FOXP1: variants seen among roughly 807,000 people sequenced by gnomAD.
FOXP1 encodes forkhead box P1, also known as forkhead box protein P1.
Under a neutral mutation model 98.2 loss-of-function variants are expected in FOXP1, and 15 were observed. The observed-to-expected ratio is 0.15, with a 90% CI of 0.10 to 0.24. FOXP1 has a LOEUF of 0.24. FOXP1 is among the 10% of genes least tolerant of loss of function. FOXP1 has a pLI of 1.00. For synonymous variants in FOXP1, 371 were observed against 314.5 expected (o/e 1.18, Z -1.90); for missense variants, 633 against 848.5 (o/e 0.75, Z 3.15).
At chr3:71,394,809 T>C (rs143244350) in intron 3 of FOXP1, among the ~76,000 whole-genome samples, 64 of 152,052 alleles carry the variant, frequency 4.2e-4, no homozygotes, top group East Asian at 1.2e-3. Context: ...AACGAAAGAA[T>C]TGAACTGGAG....
intron 5 of FOXP1, among the ~76,000 whole-genome samples, chr3:71,225,473 C>T (rs1576464954): frequency 2.0e-5 from 3 of 152,102 alleles, no homozygotes; most frequent in African/African-American, 4.8e-5. Flanking sequence ...AACATTTTAA[C>T]GTGAAGCTCT....
intron 12 of FOXP1, among the ~76,000 whole-genome samples, chr3:71,015,073 C>A (rs2044245014): frequency 6.6e-6 from 1 of 151,604 alleles, no homozygotes; most frequent in African/African-American, 2.4e-5. Flanking sequence ...ACCAACATGG[C>A]ACATGTATAC....
chr3:71,419,119 C>T (rs2108316355), intron 3 of FOXP1, among the ~76,000 whole-genome samples: 1 of 150,550 alleles, frequency 6.6e-6, no homozygotes, highest in South Asian at 2.1e-4. Flanking sequence ...ACCTGTAATC[C>T]CAGCTAGCAG....
At chr3:71,550,410 G>A (rs1334633201) in intron 2 of FOXP1, among the ~76,000 whole-genome samples, 8 of 152,164 alleles carry the variant, frequency 5.3e-5, no homozygotes, top group African/African-American at 1.7e-4. Flanking sequence ...GATAACAGGA[G>A]TTCTTATCTC....
chr3:71,323,085 C>G (rs1397673293), intron 4 of FOXP1, among the ~76,000 whole-genome samples: 2 of 152,000 alleles, frequency 1.3e-5, no homozygotes, highest in Non-Finnish European at 2.9e-5. Flanking sequence ...ATTCTCTTGC[C>G]TCAGCCTCCT....
At chr3:71,520,890 C>T (rs904804553) in intron 2 of FOXP1, among the ~76,000 whole-genome samples, 17 of 152,190 alleles carry the variant, frequency 1.1e-4, no homozygotes, top group African/African-American at 3.9e-4. Flanking sequence ...CTGACACCCA[C>T]GCTGAGCAGC....
intron 6 of FOXP1, among the ~76,000 whole-genome samples, chr3:71,144,595 C>G (rs1037607598): frequency 6.6e-6 from 1 of 152,174 alleles, no homozygotes; most frequent in Non-Finnish European, 1.5e-5. Context: ...AAAATGACCA[C>G]AAGTGTTCGG....
chr3:71,119,926 T>C (rs2058640891), intron 6 of FOXP1, among the ~76,000 whole-genome samples: 1 of 152,238 alleles, frequency 6.6e-6, no homozygotes, highest in Non-Finnish European at 1.5e-5. Context: ...AAATAGAACA[T>C]TTGGTTGTAA....
At chr3:71,283,676 C>T (rs2107439905) in intron 5 of FOXP1, among the ~76,000 whole-genome samples, 1 of 152,264 alleles carries the variant, frequency 6.6e-6, no homozygotes, top group South Asian at 2.1e-4. Flanking sequence ...TGTTTCTCCT[C>T]CCTATACAAC....
At chr3:71,388,394 G>A (rs1222178377) in intron 3 of FOXP1, among the ~76,000 whole-genome samples, 1 of 152,164 alleles carries the variant, frequency 6.6e-6, no homozygotes, top group African/African-American at 2.4e-5. Context: ...TCCGCAGCTC[G>A]CCCTTCTAGG....
chr3:71,421,394 A>G (rs2083636475), intron 3 of FOXP1, among the ~76,000 whole-genome samples: 3 of 152,202 alleles, frequency 2.0e-5, no homozygotes, highest in African/African-American at 7.2e-5. Flanking sequence ...ATAAAGTTGC[A>G]CATGGTTTCA....
At chr3:71,035,822 G>C (rs2047504743) in intron 11 of FOXP1, among the ~76,000 whole-genome samples, 1 of 151,758 alleles carries the variant, frequency 6.6e-6, no homozygotes, top group African/African-American at 2.4e-5. Context: ...ATGGGAGCTA[G>C]AGTTTACTGC....
At chr3:71,063,289 G>A (rs1454716024) in intron 7 of FOXP1, among the ~76,000 whole-genome samples, 1 of 152,236 alleles carries the variant, frequency 6.6e-6, no homozygotes, top group Non-Finnish European at 1.5e-5. Flanking sequence ...AGGACAACGT[G>A]CTTCTGTCTT....
intron 11 of FOXP1, among the ~76,000 whole-genome samples, chr3:71,017,821 T>C (rs2044737173): frequency 6.6e-6 from 1 of 152,204 alleles, no homozygotes; most frequent in South Asian, 2.1e-4. Flanking sequence ...TACCAGAAGA[T>C]ACATTCAGAG....
intron 3 of FOXP1, among the ~76,000 whole-genome samples, chr3:71,425,299 T>C (rs934421328): frequency 6.6e-6 from 1 of 152,180 alleles, no homozygotes; most frequent in Admixed American, 6.5e-5. Context: ...GTTGTTGTTG[T>C]ATTTTTAGTA....
chr3:71,421,242 G>A (rs1258136470), intron 3 of FOXP1, among the ~76,000 whole-genome samples: 2 of 151,906 alleles, frequency 1.3e-5, no homozygotes, highest in Admixed American at 6.6e-5. Context: ...AAACTACAGG[G>A]GAAAGTGAAT....
chr3:71,294,444 C>G (rs1406722081), intron 5 of FOXP1, among the ~76,000 whole-genome samples: 1 of 152,140 alleles, frequency 6.6e-6, no homozygotes, highest in East Asian at 1.9e-4. Flanking sequence ...AATTGCCCTT[C>G]CTAACACCCA....
intron 5 of FOXP1, among the ~76,000 whole-genome samples, chr3:71,270,150 G>A (rs62247679): frequency 5.3e-5 from 8 of 152,138 alleles, no homozygotes; most frequent in Non-Finnish European, 1.2e-4. Context: ...CAGCCTCCCC[G>A]AGTGGCACTT....
chr3:71,320,561 CCT>C (rs1228450914), intron 4 of FOXP1, among the ~76,000 whole-genome samples: 1 of 152,178 alleles, frequency 6.6e-6, no homozygotes, highest in South Asian at 2.1e-4. Flanking sequence ...GATCAATGTC[CCT>C]GTTATCTATT....
Sources: gnomAD v4.1 joint callset for allele counts (sites outside exome capture counted in the v4.1 genomes callset) on GRCh38, gnomAD v4.1.1 for gene constraint, MANE v1.5 for transcripts, NCBI Gene and HGNC (gene_info 2026-07-23, HGNC 2026-07-21) for gene names.